HLTF: variants seen among roughly 807,000 people sequenced by gnomAD.
HLTF encodes the protein helicase like transcription factor.
HLTF carries 127 observed loss-of-function variants against 129.4 expected under a neutral mutation model. That is an observed-to-expected ratio of 0.98 (90% CI 0.85 to 1.14). HLTF has a LOEUF of 1.14. HLTF is among the 50% of genes most tolerant of loss of function. The pLI is 0.00. For missense variants in HLTF, 1,139 were observed against 1,187.1 expected (o/e 0.96, Z 0.60); for synonymous variants, 332 against 388.8 (o/e 0.85, Z 1.72).
chr3:149,046,341 A>G, intron 17 of HLTF, 82 bp from the exon 18 acceptor site: 2 of 776,548 alleles, frequency 2.6e-6, no homozygotes, highest in Non-Finnish European at 3.9e-6. Context: ...GAACATTTTA[A>G]TTTGTTACTG....
chr3:149,058,038 C>A (rs1477159475), intron 13 of HLTF, among the ~76,000 whole-genome samples: 1 of 152,134 alleles, frequency 6.6e-6, no homozygotes, highest in Non-Finnish European at 1.5e-5. Flanking sequence ...TTTGTCAATA[C>A]TTGGCATTGT....
chr3:149,078,697 A>G (rs1719606803), intron 2 of HLTF, among the ~76,000 whole-genome samples: 1 of 152,118 alleles, frequency 6.6e-6, no homozygotes, highest in South Asian at 2.1e-4. Flanking sequence ...CTCTACTAAA[A>G]ATACAAAAAA....
Position 149,048,165 on chromosome 3 carries a change from T to C in HLTF, c.1757-2A>G. On this transcript the variant is annotated splice_acceptor_variant, in intron 16 of 24. Coordinates refer to ENST00000310053, the MANE Select transcript of HLTF (RefSeq NM_003071.4). LOFTEE classifies it high-confidence loss of function. ...TTAAAGAATTCTGGATTGGAGTACC[T>C]AGAAATAACAGGAAACTGTTATAAC... 2 of 1,600,658 alleles carry C rather than the reference T, an allele frequency of 1.2e-6. No individual in the cohort carries two copies. Among genetic ancestry groups the C allele is most frequent in the East Asian group, 2.2e-5 (1 of 44,736 alleles).
At chr3:149,084,006 G>GAGATTTTATTACAA (rs1000371528) in intron 2 of HLTF, among the ~76,000 whole-genome samples, 5 of 151,782 alleles carry the variant, frequency 3.3e-5, no homozygotes, top group Non-Finnish European at 7.4e-5. Context: ...TTAGGATATG[G>GAGATTTTATTACAA]AGATTTTATT....
Position 149,078,363 on chromosome 3 carries a change from T to C in HLTF, c.229-2316A>G, listed in dbSNP as rs532212101. Among the ~76,000 whole-genome samples the C allele has an allele frequency of 2.8e-4, 42 of 151,736 alleles. No homozygotes were observed. In the East Asian group the frequency reaches 5.5e-3, roughly 20 times the overall value. ...GAATTTGAGACCAGCCTGGGAAACA[T>C]AGCAAGACCCCATTTCTACAAAATA... On this transcript the variant is annotated intron_variant, in intron 2 of 24. Coordinates refer to ENST00000310053, the MANE Select transcript of HLTF (RefSeq NM_003071.4).
At chr3:149,048,362 A>T (rs944220772) in intron 16 of HLTF, among the ~76,000 whole-genome samples, 199 bp from the exon 17 acceptor site, 1 of 152,208 alleles carries the variant, frequency 6.6e-6, no homozygotes, top group Non-Finnish European at 1.5e-5. Flanking sequence ...GTTTTGCTCT[A>T]ATTTTTAGCT....
intron 9 of HLTF, 48 bp from the exon 10 acceptor site, chr3:149,063,572 G>A (rs1278112216): frequency 4.5e-6 from 5 of 1,112,482 alleles, no homozygotes; most frequent in Non-Finnish European, 4.1e-6. Context: ...AGGTGTCTTA[G>A]AAACTAGTAT....
At chr3:149,049,719 G>A (rs1050479914) in intron 15 of HLTF, among the ~76,000 whole-genome samples, 1 of 152,204 alleles carries the variant, frequency 6.6e-6, no homozygotes, top group African/African-American at 2.4e-5. Flanking sequence ...CTGTCTGGGT[G>A]TGGTGGCACA....
At chr3:149,071,133 G>GT in intron 7 of HLTF, 119 bp downstream of exon 7, 2 of 579,494 alleles carry the variant, frequency 3.5e-6, no homozygotes, top group African/African-American at 1.9e-5. Context: ...TACAAAGATA[G>GT]TAAGATCTAG....
intron 24 of HLTF, among the ~76,000 whole-genome samples, chr3:149,033,621 T>A (rs1368728073): frequency 3.3e-5 from 5 of 151,988 alleles, no homozygotes; most frequent in Non-Finnish European, 5.9e-5. Flanking sequence ...TAGTTTATGA[T>A]GAAAGTGACA....
chr3:149,039,565 A>C lies in HLTF; in HGVS notation c.2615+16T>G, dbSNP rs1166537344. ...AAAATCCTTTTACTGAAAGTGAAAA[A>C]CACTGTGGAACTTACTTAAGTGGTA... On this transcript the variant is annotated intron_variant, in intron 22 of 24. Coordinates refer to ENST00000310053, the MANE Select transcript of HLTF (RefSeq NM_003071.4). 2 of 1,191,132 alleles carry C rather than the reference A, an allele frequency of 1.7e-6. No homozygotes were observed. Among genetic ancestry groups the C allele is most frequent in the Non-Finnish European group, 2.4e-6 (2 of 822,156 alleles). 73.8% of individuals were successfully genotyped at this position (1,191,132 alleles called of 1,614,324 possible).
At chr3:149,070,528 A>G (rs1718758195) in intron 7 of HLTF, among the ~76,000 whole-genome samples, 1 of 152,236 alleles carries the variant, frequency 6.6e-6, no homozygotes, top group Admixed American at 6.5e-5. Context: ...AGCACACAAA[A>G]GCAAAAGCTC....
chr3:149,049,716 G>T (rs946757642), intron 15 of HLTF, among the ~76,000 whole-genome samples: 3 of 151,964 alleles, frequency 2.0e-5, no homozygotes, highest in African/African-American at 4.8e-5. Flanking sequence ...TTCCTGTCTG[G>T]GTGTGGTGGC....
Position 149,073,299 on chromosome 3 carries a change from C to A in HLTF, c.553G>T (p.Gly185Cys), listed in dbSNP as rs1280739194. Residue 185 changes from glycine (G) to cysteine (C), a missense_variant, in exon 5 of 25, where the codon GGT becomes TGT. Gly to Cys is a radical substitution (Grantham distance 159). Coordinates refer to ENST00000310053, the MANE Select transcript of HLTF (RefSeq NM_003071.4). ...PKTLGFNLES[G>C]WGSGRAGPSY... is the part of the protein sequence containing the mutation. ...GGTCCAGCTCTTCCAGAGCCCCAAC[C>A]ACTTTCCAAATTGAATCCTAAAGCT... The A allele has an allele frequency of 6.2e-7, 1 of 1,612,106 alleles. No homozygotes were observed. Among genetic ancestry groups the A allele is most frequent in the East Asian group, 2.2e-5 (1 of 44,856 alleles).
intron 7 of HLTF, among the ~76,000 whole-genome samples, chr3:149,070,347 G>A (rs1718743054): frequency 6.6e-6 from 1 of 152,084 alleles, no homozygotes; most frequent in Non-Finnish European, 1.5e-5. Flanking sequence ...CCATCTATTC[G>A]GCCAAACACA....
intron 20 of HLTF, among the ~76,000 whole-genome samples, chr3:149,040,447 C>A (rs1369260397): frequency 6.7e-6 from 1 of 149,888 alleles, no homozygotes; most frequent in Non-Finnish European, 1.5e-5. Flanking sequence ...AAAAAAAAAT[C>A]TATGAATAAC....
chr3:149,030,830 A>T lies in HLTF; in HGVS notation c.*1390T>A, dbSNP rs1030074802. 4 of 152,182 alleles carry T rather than the reference A, an allele frequency of 2.6e-5. No homozygotes were observed. The highest frequency in any genetic ancestry group is 4.4e-5 in the Non-Finnish European group (3 of 68,038). 9.4% of individuals were successfully genotyped at this position (152,182 alleles called of 1,614,324 possible). On this transcript the variant is annotated 3_prime_UTR_variant, in exon 25 of 25. Coordinates refer to ENST00000310053, the MANE Select transcript of HLTF (RefSeq NM_003071.4). ...TTCACTGTTCCCTTTGAGCAAGAAAACGGCACAGGGAGAAAAGGACTTATC... is the reference window on the plus strand; with the variant it reads ...TTCACTGTTCCCTTTGAGCAAGAAATCGGCACAGGGAGAAAAGGACTTATC...
chr3:149,040,545 A>AAGCTTATAAAGCTTATAAT (rs1430556661), intron 20 of HLTF, among the ~76,000 whole-genome samples: 1 of 152,132 alleles, frequency 6.6e-6, no homozygotes, highest in African/African-American at 2.4e-5. Context: ...TAAAGCTATT[A>AAGCTTATAAAGCTTATAAT]AGCTTATAAA....
At chr3:149,067,523 G>A (rs1718490111) in intron 8 of HLTF, among the ~76,000 whole-genome samples, 1 of 151,790 alleles carries the variant, frequency 6.6e-6, no homozygotes. Flanking sequence ...TTGTTTTAGA[G>A]ACAGGGTCTC....
Sources: allele counts gnomAD v4.1 joint callset (sites outside exome capture counted in the v4.1 genomes callset), GRCh38; gene constraint gnomAD v4.1.1; transcripts MANE v1.5; gene names NCBI Gene and HGNC (gene_info 2026-07-23, HGNC 2026-07-21).